IDE: variants seen among roughly 807,000 people sequenced by gnomAD.
The protein encoded by IDE is insulin degrading enzyme, also known as insulin-degrading enzyme.
IDE carries 58 observed loss-of-function variants against 133.2 expected under a neutral mutation model. The observed-to-expected ratio is 0.44, with a 90% confidence interval of 0.35 to 0.54. The LOEUF (loss-of-function observed/expected upper bound fraction) is 0.54. IDE is among the 20% of genes least tolerant of loss of function. IDE has a pLI of 0.00. For synonymous variants in IDE, 396 were observed against 421.3 expected (o/e 0.94, Z 0.73); for missense variants, 981 against 1,234.0 (o/e 0.79, Z 3.07).
chr10:92,544,294 T>C (rs1174206826), intron 1 of IDE, among the ~76,000 whole-genome samples: 1 of 152,066 alleles, frequency 6.6e-6, no homozygotes, highest in Non-Finnish European at 1.5e-5. Context: ...ATCACTCTCA[T>C]TTTTTTAAAG....
intron 4 of IDE, among the ~76,000 whole-genome samples, chr10:92,519,734 T>G (rs1849119755): frequency 1.3e-5 from 2 of 152,224 alleles, no homozygotes; most frequent in Admixed American, 6.5e-5. Context: ...TCTTAACCTC[T>G]CTTACGCCTC....
At chr10:92,556,176 T>G (rs1227581039) in intron 1 of IDE, among the ~76,000 whole-genome samples, 1 of 21,906 alleles carries the variant, frequency 4.6e-5, no homozygotes. Flanking sequence ...CGAGACTCCG[T>G]CTCAAAAAAA....
rs965349832 is a variant in IDE, at chr10:92,507,640, T to C, written c.1180A>G (p.Met394Val). ...CGTAACTTCTGAATGTATTGAAACA[T>C]GTGCAAAATTATATCTTCAACATGT... ...LLHVEDIILH[M>V]FQYIQKLRAE... The change falls in exon 9 of 25, where the codon ATG becomes GTG. Residue 394 changes from methionine (M) to valine (V), a missense_variant. Physicochemically the swap from Met to Val is conservative, Grantham distance 21. Around this residue, in one of 2 missense-constraint regions of IDE, gnomAD observed 660 missense variants for 894.7 expected, o/e 0.74. Transcript: ENST00000265986. 4 of 1,600,726 alleles carry C rather than the reference T, an allele frequency of 2.5e-6. No individual in the cohort carries two copies. Among genetic ancestry groups the C allele is most frequent in the African/African-American group, 1.3e-5 (1 of 74,668 alleles).
chr10:92,568,797 C>G (rs565011037), intron 1 of IDE, among the ~76,000 whole-genome samples: 14 of 151,350 alleles, frequency 9.3e-5, no homozygotes, highest in African/African-American at 2.7e-4. Flanking sequence ...GCCTGGGCAA[C>G]AAGGGCAGAC....
chr10:92,462,255 T>G (rs1845431300), intron 21 of IDE, among the ~76,000 whole-genome samples: 1 of 148,694 alleles, frequency 6.7e-6, no homozygotes, highest in Admixed American at 6.8e-5. Context: ...GAAGCAGAGG[T>G]TGCAGTGAGC....
chr10:92,460,001 T>A (rs1845280746), intron 22 of IDE, among the ~76,000 whole-genome samples: 1 of 151,710 alleles, frequency 6.6e-6, no homozygotes, highest in Non-Finnish European at 1.5e-5. Flanking sequence ...AGCTAATTTT[T>A]TTATTATTAT....
chr10:92,512,325 T>A (rs1359179367), intron 5 of IDE, among the ~76,000 whole-genome samples: 1 of 152,174 alleles, frequency 6.6e-6, no homozygotes, highest in Non-Finnish European at 1.5e-5. Flanking sequence ...CATACCTCTA[T>A]ACTGTAAAGA....
intron 5 of IDE, among the ~76,000 whole-genome samples, chr10:92,511,201 A>C (rs1848613215): frequency 6.6e-6 from 1 of 150,708 alleles, no homozygotes; most frequent in Non-Finnish European, 1.5e-5. Context: ...TCCCAGGTTC[A>C]AGTGATTCTC....
chr10:92,508,044 T>G, intron 8 of IDE, 69 bp downstream of exon 8: 2 of 1,069,064 alleles, frequency 1.9e-6, no homozygotes, highest in African/African-American at 3.1e-5. Context: ...ATCCACAGCA[T>G]GAAGAAGTTA....
chr10:92,468,110 T>C (rs2135361966), intron 19 of IDE, among the ~76,000 whole-genome samples: 1 of 152,228 alleles, frequency 6.6e-6, no homozygotes, highest in East Asian at 1.9e-4. Flanking sequence ...GTGGAATAAG[T>C]AGCTTATAAA....
intron 1 of IDE, among the ~76,000 whole-genome samples, chr10:92,538,289 T>C (rs1054252500): frequency 1.3e-5 from 2 of 152,298 alleles, no homozygotes; most frequent in Admixed American, 6.5e-5. Context: ...ACTGATGATA[T>C]TGAAAGATAG....
intron 4 of IDE, among the ~76,000 whole-genome samples, chr10:92,531,365 A>T (rs984836767): frequency 6.6e-6 from 1 of 152,138 alleles, no homozygotes; most frequent in African/African-American, 2.4e-5. Context: ...GACGCTATGC[A>T]TCTGGATTAG....
intron 9 of IDE, among the ~76,000 whole-genome samples, chr10:92,507,023 C>T (rs1398002966): frequency 1.3e-5 from 2 of 151,722 alleles, no homozygotes; most frequent in African/African-American, 2.4e-5. Context: ...TTGAGAATCT[C>T]GATAGGCTTT....
chr10:92,516,713 G>T (rs1848947926), intron 4 of IDE, among the ~76,000 whole-genome samples: 1 of 151,942 alleles, frequency 6.6e-6, no homozygotes, highest in Non-Finnish European at 1.5e-5. Context: ...TTACTATTTT[G>T]GGCCAAACCA....
intron 3 of IDE, among the ~76,000 whole-genome samples, chr10:92,533,714 C>CG (rs1197731591): frequency 2.6e-5 from 3 of 116,394 alleles, no homozygotes; most frequent in Non-Finnish European, 5.4e-5. Flanking sequence ...AAAAAATTGA[C>CG]CAAAAAAAAA....
chr10:92,455,029 A>T (rs1033882027), intron 24 of IDE, among the ~76,000 whole-genome samples: 1 of 152,058 alleles, frequency 6.6e-6, no homozygotes, highest in Non-Finnish European at 1.5e-5. Flanking sequence ...GCCAGAAATG[A>T]TCCATTGCAA....
chr10:92,554,780 G>A (rs1387379113), intron 1 of IDE: 1 of 152,060 alleles, frequency 6.6e-6, no homozygotes, highest in Non-Finnish European at 1.5e-5. Context: ...CTGGGAGGCA[G>A]AGGTTGCAGT....
intron 13 of IDE, among the ~76,000 whole-genome samples, chr10:92,484,239 C>T (rs952784920): frequency 6.6e-6 from 1 of 151,746 alleles, no homozygotes; most frequent in Admixed American, 6.6e-5. Context: ...GGTGAAACCC[C>T]GTCTCTACTA....
chr10:92,535,042 A>G (rs1242625514), intron 2 of IDE, among the ~76,000 whole-genome samples: 1 of 152,184 alleles, frequency 6.6e-6, no homozygotes, highest in Non-Finnish European at 1.5e-5. Flanking sequence ...GTTTCCCCAC[A>G]TGCCGGAGAG....
Sources: allele counts gnomAD v4.1 joint callset (sites outside exome capture counted in the v4.1 genomes callset), GRCh38; gene constraint gnomAD v4.1.1; regional missense constraint gnomAD v4.1.1; transcripts MANE v1.5; gene names NCBI Gene and HGNC (gene_info 2026-07-23, HGNC 2026-07-21).